ZBED4: variants seen among roughly 807,000 people sequenced by gnomAD.
ZBED4 encodes the protein zinc finger BED domain-containing protein 4.
In ZBED4, 4 loss-of-function variants were observed where a neutral mutation model predicts 15.5. That is an observed-to-expected ratio of 0.26 (90% CI 0.13 to 0.59). The LOEUF (loss-of-function observed/expected upper bound fraction) is 0.59, where lower values mean the gene tolerates loss of function less well. Among genes scored for constraint, ZBED4 ranks in the 20% least tolerant of loss-of-function variants. The pLI, the probability that ZBED4 is intolerant of heterozygous loss-of-function variation, is 0.90. For synonymous variants in ZBED4, 692 were observed against 608.5 expected, an observed-to-expected ratio of 1.14 and a Z score of -2.02; for missense variants, 1,323 against 1,461.8, an observed-to-expected ratio of 0.91 and a Z score of 1.55.
At position 49,879,213 on chromosome 22, in the gene ZBED4, C is replaced by T. The variant is rs373615876; in HGVS notation, c.-329-4121C>T. On this transcript the variant is annotated intron_variant, in intron 1 of 1. Coordinates refer to ENST00000216268, the MANE Select transcript of ZBED4 (RefSeq NM_014838.3). Reference sequence around the variant, plus strand: ...AATCTCGGCTCACTGTAACTTGCGCCTCCCGGGTTCAAGCGATTCTCCTGC... The same window carrying T: ...AATCTCGGCTCACTGTAACTTGCGCTTCCCGGGTTCAAGCGATTCTCCTGC... Among the ~76,000 whole-genome samples, 218 of 151,432 alleles carry T rather than the reference C, an allele frequency of 1.4e-3. 10 individuals are homozygous for T. The South Asian group carries it at 0.043, about 30-fold the overall frequency.
chr22:49,878,874 G>C (rs1023249240), intron 1 of ZBED4, among the ~76,000 whole-genome samples: 4 of 151,994 alleles, frequency 2.6e-5, no homozygotes, highest in African/African-American at 9.7e-5. Flanking sequence ...GCCAGGCGTG[G>C]TGGCTCATGC....
Position 49,884,934 on chromosome 22 carries a change from G to T in ZBED4, c.1272G>T (p.Ser424=). Residue 424 remains serine, a synonymous_variant, in exon 2 of 2, where the codon TCG becomes TCT. Coordinates refer to ENST00000216268, the MANE Select transcript of ZBED4 (RefSeq NM_014838.3). The part of the protein sequence containing the change: ...FSSSDDIGEA[S]ASSPEKQQAD... ...CTTCCGATGACATAGGGGAGGCCTC[G>T]GCGTCCTCTCCTGAGAAGCAGCAGG... 6.2e-7 allele frequency: 1 copy of T among 1,607,532 alleles called. No homozygotes were observed. The highest frequency in any genetic ancestry group is 8.5e-7 in the Non-Finnish European group (1 of 1,176,332).
intron 1 of ZBED4, among the ~76,000 whole-genome samples, chr22:49,873,225 A>G (rs1427601277): frequency 6.6e-6 from 1 of 152,198 alleles, no homozygotes; most frequent in African/African-American, 2.4e-5. Flanking sequence ...TGCCTTCATC[A>G]CTAAGCTTAA....
In ZBED4 at chr22:49,884,898, G is replaced by A. The variant is rs184545959; in HGVS notation, c.1236G>A (p.Ala412=). Residue 412 remains alanine, a synonymous_variant, in exon 2 of 2, where the codon GCG becomes GCA. Transcript: ENST00000216268. ...GAGATGGGCTGATGGAAGACGTGGC[G>A]GCCTTCTCATCTTCCGATGACATAG... is the stretch of plus-strand genomic sequence containing the variant. ...NPGDGLMEDV[A]AFSSSDDIGE... The A allele has an allele frequency of 1.9e-5, 31 of 1,602,446 alleles. No homozygotes were observed. Among genetic ancestry groups the A allele is most frequent in the African/African-American group, 8.0e-5 (6 of 74,800 alleles).
rs116482103 is a variant in ZBED4 at position 49,865,313 on chromosome 22, C to T, written c.-330+11324C>T. 1.9e-3 allele frequency among the ~76,000 whole-genome samples: 283 copies of T among 152,116 alleles called. 2 individuals carry two copies. Among genetic ancestry groups the T allele is most frequent in the African/African-American group, 6.5e-3 (268 of 41,474 alleles). On this transcript the variant is annotated intron_variant, in intron 1 of 1. Coordinates refer to ENST00000216268, the MANE Select transcript of ZBED4 (RefSeq NM_014838.3). ...CACTGTGGGGTGCGCTGCTCTTTGC[C>T]GAGTGAGGTGTTGCTGTGCAGCACG...
chr22:49,886,458 C>G lies in ZBED4; in HGVS notation c.2796C>G (p.Ser932=), dbSNP rs374917157. 1.3e-6 allele frequency: 2 copies of G among 1,573,884 alleles called. No homozygotes were observed. Among genetic ancestry groups the G allele is most frequent in the African/African-American group, 2.7e-5 (2 of 73,986 alleles). The change falls in exon 2 of 2, where the codon TCC becomes TCG. Residue 932 remains serine, a synonymous_variant. Coordinates refer to ENST00000216268, the MANE Select transcript of ZBED4 (RefSeq NM_014838.3). This position sits in a 1 kb window ranked among gnomAD's most constrained non-coding sequence, Gnocchi z 7.7. ...ISCDQWEVMQ[S]VCRALKPFEA... ...GCGACCAGTGGGAGGTCATGCAGTC[C>G]GTGTGCCGTGCGCTAAAGCCCTTCG...
At chr22:49,862,833 C>T (rs1426451307) in intron 1 of ZBED4, among the ~76,000 whole-genome samples, 1 of 150,142 alleles carries the variant, frequency 6.7e-6, no homozygotes, top group East Asian at 2.0e-4. Flanking sequence ...TCCTGAGTAA[C>T]TGGGATTACA....
At chr22:49,877,254 CTTTATTATTTA>C (rs1254487150) in intron 1 of ZBED4, among the ~76,000 whole-genome samples, 16 of 147,036 alleles carry the variant, frequency 1.1e-4, no homozygotes, top group Non-Finnish European at 1.5e-5. Context: ...AAAAAAACAG[CTTTATTATTTA>C]TTTATTTATT....
At chr22:49,883,024 GA>G (rs2060417376) in intron 1 of ZBED4, among the ~76,000 whole-genome samples, 1 of 152,212 alleles carries the variant, frequency 6.6e-6, no homozygotes, top group Admixed American at 6.5e-5. Flanking sequence ...TGAACTGTTT[GA>G]AGGATGAGGG....
intron 1 of ZBED4, among the ~76,000 whole-genome samples, chr22:49,872,273 A>G (rs955634754): frequency 1.3e-5 from 2 of 152,208 alleles, no homozygotes; most frequent in Non-Finnish European, 2.9e-5. Flanking sequence ...TTCCATCTCA[A>G]CAAACTAGTT....
chr22:49,856,795 C>T lies in ZBED4; in HGVS notation c.-330+2806C>T, dbSNP rs3033698. Among the ~76,000 whole-genome samples, 1,087 of 112,314 alleles carry T rather than the reference C, an allele frequency of 9.7e-3. 68 individuals are homozygous for T. The highest frequency in any genetic ancestry group is 0.064 in the African/African-American group (906 of 14,062). The allele number at this position is 112,314 out of a possible 152,430, so 73.7% of individuals were successfully genotyped here. A position where few individuals can be genotyped will look rare whatever the true frequency, so the allele number is the denominator to read the frequency against. The stretch of plus-strand genomic sequence containing the variant: ...CTGGAATCCCGGCCGGCTTCCCACC[C>T]CTCGTTCTAGGTGAAGGCCGCGCTG... On this transcript the variant is annotated intron_variant, in intron 1 of 1. Coordinates refer to ENST00000216268, the MANE Select transcript of ZBED4 (RefSeq NM_014838.3).
chr22:49,868,753 G>A (rs2060332522), intron 1 of ZBED4, among the ~76,000 whole-genome samples: 1 of 152,088 alleles, frequency 6.6e-6, no homozygotes. Context: ...TGTGTTGTAG[G>A]GTTGAGCAAA....
intron 1 of ZBED4, among the ~76,000 whole-genome samples, chr22:49,868,928 A>G (rs2060333172): frequency 6.7e-6 from 1 of 148,542 alleles, no homozygotes; most frequent in Non-Finnish European, 1.5e-5. Context: ...CCTGACCAAC[A>G]TGGAGAAACT....
At chr22:49,873,263 C>T (rs961198864) in intron 1 of ZBED4, among the ~76,000 whole-genome samples, 5 of 152,214 alleles carry the variant, frequency 3.3e-5, no homozygotes, top group African/African-American at 9.7e-5. Flanking sequence ...AAATGAGAGA[C>T]GTGATACTTC....
chr22:49,876,430 C>T (rs1297186619), intron 1 of ZBED4, among the ~76,000 whole-genome samples: 1 of 152,144 alleles, frequency 6.6e-6, no homozygotes, highest in African/African-American at 2.4e-5. Context: ...CTCAGCTTTG[C>T]TTCGTGGTTT....
chr22:49,885,965 C>A lies in ZBED4; in HGVS notation c.2303C>A (p.Ala768Glu). The stretch of plus-strand genomic sequence containing the variant: ...CGCTGTGACGACCACCACTGCTCGG[C>A]GCTGTTGGACGTGTCGCAGGTGGAC... ...RPRCDDHHCS[A>E]LLDVSQVDCD... Residue 768 changes from alanine (A) to glutamate (E), a missense_variant, in exon 2 of 2, where the codon GCG becomes GAG. Physicochemically the swap from Ala to Glu is moderately radical, Grantham distance 107. This residue lies in a region of ZBED4 where 100 missense variants were observed against 79.3 expected (regional missense o/e 1.26). Coordinates refer to ENST00000216268, the MANE Select transcript of ZBED4 (RefSeq NM_014838.3). 1 of 710,366 alleles carries A rather than the reference C, an allele frequency of 1.4e-6. No homozygotes were observed. The highest frequency in any genetic ancestry group is 2.6e-6 in the Non-Finnish European group (1 of 391,652). 44.0% of individuals were successfully genotyped at this position (710,366 alleles called of 1,614,324 possible). A position where few individuals can be genotyped will look rare whatever the true frequency, so the allele number is the denominator to read the frequency against.
At chr22:49,870,358 G>C (rs2060340819) in intron 1 of ZBED4, among the ~76,000 whole-genome samples, 1 of 152,116 alleles carries the variant, frequency 6.6e-6, no homozygotes. Flanking sequence ...GGCATCACTG[G>C]GTCCAATGGT....
At chr22:49,872,592 C>T (rs977313322) in intron 1 of ZBED4, among the ~76,000 whole-genome samples, 3 of 152,170 alleles carry the variant, frequency 2.0e-5, no homozygotes, top group Non-Finnish European at 4.4e-5. Context: ...TGCAGTGTCA[C>T]GATCACAGCT....
rs2060440798 is a variant in ZBED4 at position 49,886,643 on chromosome 22, C to G, written c.2981C>G (p.Ser994Cys). ...SLKEAMVSRL[S>C]ATLHDPRYVF... ...AAGGAGGCCATGGTGAGCCGCCTGT[C>G]TGCCACCCTCCACGACCCGCGGTAC... Residue 994 changes from serine to cysteine, a missense_variant, in exon 2 of 2, where the codon TCT (serine) becomes TGT (cysteine). By Grantham distance (112) the Ser-to-Cys change is moderately radical. Transcript: ENST00000216268. This position sits in a 1 kb window ranked among gnomAD's most constrained non-coding sequence, Gnocchi z 7.7. 2 of 1,596,956 alleles carry G rather than the reference C, an allele frequency of 1.3e-6. No individual in the cohort carries two copies.
Sources: allele counts gnomAD v4.1 joint callset (sites outside exome capture counted in the v4.1 genomes callset), GRCh38; gene constraint gnomAD v4.1.1; regional missense constraint gnomAD v4.1.1; non-coding constraint Gnocchi (gnomAD v3.1); transcripts MANE v1.5; gene names NCBI Gene and HGNC (gene_info 2026-07-23, HGNC 2026-07-21).